Variants in UNC5D observed in about 807,000 individuals in gnomAD.
UNC5D encodes netrin receptor UNC5D.
In UNC5D, 39 loss-of-function variants were observed where a neutral mutation model predicts 105.4. The ratio of observed to expected loss-of-function variants is 0.37; its 90% CI spans 0.29 to 0.48. The LOEUF is 0.48. Among genes scored for constraint, UNC5D ranks in the 20% least tolerant of loss-of-function variants. The pLI, the probability that UNC5D is intolerant of heterozygous loss-of-function variation, is 0.98. For synonymous variants in UNC5D, 452 were observed against 450.4 expected (o/e 1.00, Z -0.04); for missense variants, 991 against 1,202.4 (o/e 0.82, Z 2.60).
intron 1 of UNC5D, among the ~76,000 whole-genome samples, chr8:35,261,851 A>C (rs1804520647): frequency 6.6e-6 from 1 of 152,186 alleles, no homozygotes; most frequent in Non-Finnish European, 1.5e-5. Context: ...GGTTGTTTTT[A>C]ATTAAGCTCC....
chr8:35,674,832 T>A (rs1825095163), intron 4 of UNC5D, among the ~76,000 whole-genome samples: 1 of 152,202 alleles, frequency 6.6e-6, no homozygotes, highest in Non-Finnish European at 1.5e-5. Context: ...TCTCCCCGTT[T>A]TCTCACAAAA....
chr8:35,719,428 AAAAAG>A (rs1354233357), intron 8 of UNC5D, among the ~76,000 whole-genome samples: 1 of 152,126 alleles, frequency 6.6e-6, no homozygotes, highest in Non-Finnish European at 1.5e-5. Flanking sequence ...GAGAAGGGTA[AAAAAG>A]AAAAGAAAGA....
At chr8:35,459,612 A>C (rs1309020583) in intron 1 of UNC5D, among the ~76,000 whole-genome samples, 1 of 152,190 alleles carries the variant, frequency 6.6e-6, no homozygotes, top group African/African-American at 2.4e-5. Flanking sequence ...TAGCCTCTGC[A>C]ATTTCTAGCA....
intron 1 of UNC5D, among the ~76,000 whole-genome samples, chr8:35,273,285 A>C (rs1389429023): frequency 6.6e-6 from 1 of 152,246 alleles, no homozygotes; most frequent in Admixed American, 6.5e-5. Context: ...AACGATTATA[A>C]GAGTTTGGTA....
intron 4 of UNC5D, among the ~76,000 whole-genome samples, chr8:35,608,523 C>G (rs1820461412): frequency 6.6e-6 from 1 of 152,082 alleles, no homozygotes; most frequent in Non-Finnish European, 1.5e-5. Context: ...TATCCATCAC[C>G]CAAATGACAA....
chr8:35,657,082 A>C (rs1370013), intron 4 of UNC5D, among the ~76,000 whole-genome samples: 1 of 28,326 alleles, frequency 3.5e-5, no homozygotes, highest in South Asian at 1.8e-3. Flanking sequence ...GTGTGTGTGT[A>C]TATATATATA....
intron 4 of UNC5D, among the ~76,000 whole-genome samples, chr8:35,682,739 A>G (rs114273574): frequency 4.5e-3 from 689 of 152,304 alleles, no homozygotes; most frequent in African/African-American, 0.014. Context: ...TTTTGTGTTC[A>G]AGGAAAGAGA....
At chr8:35,400,304 C>CT (rs1804375907) in intron 1 of UNC5D, among the ~76,000 whole-genome samples, 1 of 151,758 alleles carries the variant, frequency 6.6e-6, no homozygotes, top group African/African-American at 2.4e-5. Flanking sequence ...ATAAATTTAC[C>CT]TTTAAGATGC....
chr8:35,275,776 C>T (rs1183752176), intron 1 of UNC5D, among the ~76,000 whole-genome samples: 5 of 152,186 alleles, frequency 3.3e-5, no homozygotes, highest in Admixed American at 2.0e-4. Context: ...TGTAAAGTGC[C>T]ATTGATTTGC....
chr8:35,366,258 C>T (rs1802119996), intron 1 of UNC5D, among the ~76,000 whole-genome samples: 1 of 151,940 alleles, frequency 6.6e-6, no homozygotes, highest in Non-Finnish European at 1.5e-5. Flanking sequence ...TTCCTTGTTC[C>T]TTACCCTTCC....
chr8:35,501,831 T>G (rs975706093), intron 1 of UNC5D, among the ~76,000 whole-genome samples: 1 of 152,224 alleles, frequency 6.6e-6, no homozygotes. Flanking sequence ...TTATTTGATG[T>G]GTTAACAAAT....
chr8:35,543,921 A>G (rs143852087), intron 1 of UNC5D, among the ~76,000 whole-genome samples: 8 of 152,286 alleles, frequency 5.3e-5, no homozygotes, highest in Non-Finnish European at 8.8e-5. Flanking sequence ...ACTACACACT[A>G]TTACCCTGCG....
chr8:35,675,694 G>T (rs919139989), intron 4 of UNC5D, among the ~76,000 whole-genome samples: 12 of 152,062 alleles, frequency 7.9e-5, no homozygotes, highest in African/African-American at 2.9e-4. Flanking sequence ...AGGTCAAGGG[G>T]CCTGGGGTCC....
At chr8:35,591,906 G>A (rs1283685548) in intron 3 of UNC5D, among the ~76,000 whole-genome samples, 1 of 152,162 alleles carries the variant, frequency 6.6e-6, no homozygotes, top group Non-Finnish European at 1.5e-5. Flanking sequence ...ATACCAACTG[G>A]TCTATCTATA....
chr8:35,573,178 A>G (rs1373333952), intron 3 of UNC5D, among the ~76,000 whole-genome samples: 1 of 152,214 alleles, frequency 6.6e-6, no homozygotes, highest in East Asian at 1.9e-4. Context: ...ACTTTTAGTA[A>G]CAAGACCCTA....
intron 1 of UNC5D, among the ~76,000 whole-genome samples, chr8:35,257,001 C>A (rs1352097573): frequency 7.0e-6 from 1 of 142,628 alleles, no homozygotes; most frequent in Non-Finnish European, 1.5e-5. Context: ...TTGACTGAGT[C>A]TCACTCTGTT....
chr8:35,287,908 G>C (rs1405690595), intron 1 of UNC5D, among the ~76,000 whole-genome samples: 1 of 152,004 alleles, frequency 6.6e-6, no homozygotes, highest in African/African-American at 2.4e-5. Context: ...TGAAATTATC[G>C]AATCAAAGCA....
chr8:35,406,580 C>T (rs1804814640), intron 1 of UNC5D, among the ~76,000 whole-genome samples: 1 of 152,120 alleles, frequency 6.6e-6, no homozygotes, highest in Non-Finnish European at 1.5e-5. Flanking sequence ...CCAGCTTCAG[C>T]TTCAAAAAGT....
chr8:35,360,772 A>G (rs1447604049), intron 1 of UNC5D, among the ~76,000 whole-genome samples: 2 of 152,116 alleles, frequency 1.3e-5, no homozygotes, highest in Non-Finnish European at 2.9e-5. Context: ...ATCCATATGA[A>G]TGTATGTTCC....
Sources: gnomAD v4.1 joint callset for allele counts (sites outside exome capture counted in the v4.1 genomes callset) on GRCh38, gnomAD v4.1.1 for gene constraint, MANE v1.5 for transcripts, NCBI Gene and HGNC (gene_info 2026-07-23, HGNC 2026-07-21) for gene names.